Variants in SLIT3 observed in about 807,000 individuals in gnomAD.
SLIT3 encodes the protein slit guidance ligand 3.
In SLIT3, 68 loss-of-function variants were observed where a neutral mutation model predicts 184.0. The ratio of observed to expected loss-of-function variants is 0.37; its 90% CI spans 0.30 to 0.45. SLIT3 has a LOEUF of 0.45. Ranked by LOEUF, SLIT3 falls within the 20% of genes least tolerant of loss-of-function variation. SLIT3 has a pLI of 1.00. For missense variants in SLIT3, 1,707 were observed against 2,026.0 expected (o/e 0.84, Z 3.02); for synonymous variants, 831 against 828.6 (o/e 1.00, Z -0.05).
chr5:168,764,770 T>TGGGGAGTATCTA (rs1365583617), intron 14 of SLIT3, among the ~76,000 whole-genome samples: 1 of 152,194 alleles, frequency 6.6e-6, no homozygotes, highest in Non-Finnish European at 1.5e-5. Flanking sequence ...GCTAGGCTTG[T>TGGGGAGTATCTA]GTGAGCAAAC....
chr5:168,793,704 A>G (rs1344112104), intron 10 of SLIT3, among the ~76,000 whole-genome samples: 2 of 152,010 alleles, frequency 1.3e-5, no homozygotes, highest in African/African-American at 2.4e-5. Flanking sequence ...AACTTAAATC[A>G]TGTAGGAGAT....
At chr5:168,845,918 T>A (rs1758446119) in intron 5 of SLIT3, among the ~76,000 whole-genome samples, 1 of 152,152 alleles carries the variant, frequency 6.6e-6, no homozygotes, top group African/African-American at 2.4e-5. Context: ...GGTGGAGGGA[T>A]TTCCTGGTGT....
chr5:168,697,905 C>T (rs2113273418), intron 27 of SLIT3, among the ~76,000 whole-genome samples: 1 of 152,288 alleles, frequency 6.6e-6, no homozygotes, highest in South Asian at 2.1e-4. Flanking sequence ...CCCCCAGAGC[C>T]TTAGGGCTAC....
At chr5:169,268,490 T>C (rs1251930748) in intron 1 of SLIT3, among the ~76,000 whole-genome samples, 2 of 152,196 alleles carry the variant, frequency 1.3e-5, no homozygotes, top group Non-Finnish European at 2.9e-5. Context: ...AGATCAAGGC[T>C]CTTCCAATTT....
At chr5:168,884,878 A>G (rs1451437057) in intron 4 of SLIT3, among the ~76,000 whole-genome samples, 1 of 152,052 alleles carries the variant, frequency 6.6e-6, no homozygotes, top group African/African-American at 2.4e-5. Flanking sequence ...TGCTGGTCAC[A>G]GGTTAAATGG....
intron 16 of SLIT3, among the ~76,000 whole-genome samples, chr5:168,756,201 C>T (rs772774995): frequency 6.6e-6 from 1 of 152,346 alleles, no homozygotes; most frequent in African/African-American, 2.4e-5. Flanking sequence ...GGGCACTGCT[C>T]CAGGTCACAG....
chr5:169,065,186 A>C (rs1758307790), intron 4 of SLIT3, among the ~76,000 whole-genome samples: 1 of 152,228 alleles, frequency 6.6e-6, no homozygotes, highest in Admixed American at 6.5e-5. Flanking sequence ...TTAGATGTGC[A>C]TATAAAGTAA....
chr5:168,802,843 A>T (rs1193430053), intron 9 of SLIT3, among the ~76,000 whole-genome samples: 1 of 152,174 alleles, frequency 6.6e-6, no homozygotes, highest in East Asian at 1.9e-4. Flanking sequence ...GCATTTTACT[A>T]TATTCGTTCA....
chr5:169,112,642 C>CA (rs76640928), intron 4 of SLIT3, among the ~76,000 whole-genome samples: 36,121 of 151,882 alleles, frequency 0.24, 6,696 homozygotes, highest in East Asian at 0.55. Context: ...TCTTCACCCT[C>CA]TACCCTTCTC....
At chr5:168,810,612 GA>G (rs1198041725) in intron 8 of SLIT3, among the ~76,000 whole-genome samples, 1 of 152,210 alleles carries the variant, frequency 6.6e-6, no homozygotes, top group African/African-American at 2.4e-5. Flanking sequence ...CTCTGGGGGG[GA>G]CTTGGTCACC....
chr5:169,060,865 G>A (rs1331827640), intron 4 of SLIT3, among the ~76,000 whole-genome samples: 1 of 152,172 alleles, frequency 6.6e-6, no homozygotes, highest in Non-Finnish European at 1.5e-5. Context: ...GAAAATCATG[G>A]CCCCTCTAGC....
intron 8 of SLIT3, among the ~76,000 whole-genome samples, chr5:168,809,818 A>C (rs555292565): frequency 4.8e-4 from 73 of 152,316 alleles, no homozygotes; most frequent in African/African-American, 1.5e-3. Flanking sequence ...AAAGCTACAG[A>C]GGTGAGTGTT....
chr5:169,002,847 A>C (rs1755767951), intron 4 of SLIT3, among the ~76,000 whole-genome samples: 2 of 152,178 alleles, frequency 1.3e-5, no homozygotes, highest in Admixed American at 6.5e-5. Flanking sequence ...TTATTTAAAC[A>C]TCTGTTTTAT....
At chr5:169,239,224 A>C (rs948854084) in intron 3 of SLIT3, among the ~76,000 whole-genome samples, 2 of 152,190 alleles carry the variant, frequency 1.3e-5, no homozygotes, top group African/African-American at 4.8e-5. Context: ...CTTTTCACCT[A>C]TAACTGAATT....
At chr5:168,992,400 T>C (rs1356328747) in intron 4 of SLIT3, among the ~76,000 whole-genome samples, 2 of 152,258 alleles carry the variant, frequency 1.3e-5, no homozygotes, top group Non-Finnish European at 2.9e-5. Context: ...TCCTGTAGAA[T>C]TCTGCTGAGG....
At chr5:168,733,112 C>T (rs1428114265) in intron 20 of SLIT3, among the ~76,000 whole-genome samples, 1 of 150,950 alleles carries the variant, frequency 6.6e-6, no homozygotes, top group Middle Eastern at 3.2e-3. Context: ...AAAAAAAAAA[C>T]CATTAAAAAG....
At chr5:168,811,050 T>C (rs772047330) in intron 8 of SLIT3, among the ~76,000 whole-genome samples, 6 of 152,184 alleles carry the variant, frequency 3.9e-5, no homozygotes, top group South Asian at 2.1e-4. Context: ...ATGGGGATGA[T>C]TATCAAGGTG....
intron 20 of SLIT3, among the ~76,000 whole-genome samples, chr5:168,732,110 A>T (rs970798210): frequency 1.7e-4 from 26 of 152,162 alleles, no homozygotes; most frequent in African/African-American, 6.3e-4. Context: ...CAGGCTACAA[A>T]ATTAATGTTT....
intron 35 of SLIT3, among the ~76,000 whole-genome samples, chr5:168,667,414 A>G (rs1303707049): frequency 6.6e-6 from 1 of 152,248 alleles, no homozygotes; most frequent in African/African-American, 2.4e-5. Context: ...CCCAGGGGCC[A>G]GGGAGGCTTC....
Sources: allele counts gnomAD v4.1 joint callset (sites outside exome capture counted in the v4.1 genomes callset), GRCh38; gene constraint gnomAD v4.1.1; transcripts MANE v1.5; gene names NCBI Gene and HGNC (gene_info 2026-07-23, HGNC 2026-07-21).